MCF2L: variants seen among roughly 807,000 people sequenced by gnomAD.
MCF2L encodes guanine nucleotide exchange factor DBS.
MCF2L carries 97 observed loss-of-function variants against 153.4 expected under a neutral mutation model. The observed-to-expected ratio is 0.63, with a 90% CI of 0.54 to 0.75. The LOEUF is 0.75. MCF2L is among the 30% of genes least tolerant of loss of function. The probability of loss-of-function intolerance (pLI) is 0.00; values close to 1 mark genes in which losing one functional copy is unlikely to be tolerated. For synonymous variants in MCF2L, 659 were observed against 632.2 expected, an observed-to-expected ratio of 1.04 and a Z score of -0.64; for missense variants, 1,347 against 1,495.2, an observed-to-expected ratio of 0.90 and a Z score of 1.64.
At chr13:112,938,356 A>G (rs1763153371) in intron 2 of MCF2L, among the ~76,000 whole-genome samples, 2 of 151,952 alleles carry the variant, frequency 1.3e-5, no homozygotes, top group African/African-American at 2.4e-5. Context: ...GTGAGCCCTG[A>G]AAGTCCAGAA....
intron 2 of MCF2L, among the ~76,000 whole-genome samples, chr13:112,953,516 C>T (rs896702545): frequency 6.6e-6 from 1 of 152,220 alleles, no homozygotes; most frequent in South Asian, 2.1e-4. Context: ...GCTCGAAGAC[C>T]ACAGTGCCTG....
In MCF2L at chr13:113,033,932, A is replaced by G. The variant is rs1173710123; in HGVS notation, c.278+9174A>G. Reference sequence around the variant, plus strand: ...GGGGACAAGTCGCGGAGGCCCTGCCATTCCTTCCTCCGGGTTCTGCACGCA... The same window carrying G: ...GGGGACAAGTCGCGGAGGCCCTGCCGTTCCTTCCTCCGGGTTCTGCACGCA... On this transcript the variant is annotated intron_variant, in intron 3 of 29. Coordinates refer to ENST00000535094, the MANE Select transcript of MCF2L (RefSeq NM_001112732.3). 1.8e-5 allele frequency: 3 copies of G among 166,818 alleles called. No homozygotes were observed. The Admixed American group carries it at 2.0e-4, about 11-fold the overall frequency. The allele number at this position is 166,818 out of a possible 1,614,324, so 10.3% of individuals were successfully genotyped here.
intron 4 of MCF2L, among the ~76,000 whole-genome samples, chr13:113,058,943 C>G (rs959578317): frequency 1.4e-5 from 2 of 144,472 alleles, no homozygotes; most frequent in Admixed American, 6.8e-5. Context: ...TGTTTCGGCA[C>G]TGTTTGGGTG....
At chr13:112,917,558 G>C in intron 2 of MCF2L, 1 of 212,824 alleles carries the variant, frequency 4.7e-6, no homozygotes, top group Non-Finnish European at 9.6e-6. Flanking sequence ...GAAATCCTCA[G>C]TTCAGCAGGG....
At chr13:112,895,174 C>A (rs1436727398) in intron 1 of MCF2L, among the ~76,000 whole-genome samples, 6 of 152,136 alleles carry the variant, frequency 3.9e-5, no homozygotes, top group Non-Finnish European at 5.9e-5. Flanking sequence ...TTGCTTCAGA[C>A]CCTTATATAG....
intron 5 of MCF2L, among the ~76,000 whole-genome samples, chr13:113,061,148 G>T (rs943359643): frequency 6.6e-6 from 1 of 152,098 alleles, no homozygotes; most frequent in Non-Finnish European, 1.5e-5. Flanking sequence ...CTGGACCTGG[G>T]AGGGAGCACC....
chr13:113,030,631 G>A (rs1023920725), intron 3 of MCF2L, among the ~76,000 whole-genome samples: 3 of 152,190 alleles, frequency 2.0e-5, no homozygotes, highest in South Asian at 4.1e-4. Context: ...GCCCTCGGGT[G>A]TCTGCCGACA....
Position 112,904,746 on chromosome 13 carries a change from C to T in MCF2L, c.169+2375C>T, listed in dbSNP as rs776771344. On this transcript the variant is annotated intron_variant, in intron 2 of 29. Coordinates refer to the MCF2L transcript ENST00000375608. This position sits in a 1 kb window ranked among gnomAD's most constrained non-coding sequence, Gnocchi z 4.2. ...AAAGAGAAGCGCACGGCGTGGACTGCGGCCTGCGGGAGAACCGCACTCGGC... is the reference window on the plus strand; with the variant it reads ...AAAGAGAAGCGCACGGCGTGGACTGTGGCCTGCGGGAGAACCGCACTCGGC... 3.9e-5 allele frequency among the ~76,000 whole-genome samples: 6 copies of T among 152,236 alleles called. No homozygotes were observed. The highest frequency in any genetic ancestry group is 1.4e-4 in the African/African-American group (6 of 41,474).
chr13:113,076,924 G>C lies in MCF2L; in HGVS notation c.1501-128G>C, dbSNP rs986468590. ...GGGCTGGACACAGCTGCGCTGCGCT[G>C]ACAGACCCCGCATGGAGAACATTTA... is the stretch of plus-strand genomic sequence containing the variant. On this transcript the variant is annotated intron_variant, in intron 12 of 29. Transcript: ENST00000535094. 2.9e-6 allele frequency: 3 copies of C among 1,030,802 alleles called. No individual in the cohort carries two copies. In the East Asian group the frequency reaches 7.8e-5, roughly 27 times the overall value. The allele number at this position is 1,030,802 out of a possible 1,614,324, so 63.9% of individuals were successfully genotyped here.
chr13:112,940,891 G>A lies in MCF2L; in HGVS notation c.169+38520G>A, dbSNP rs541959192. On this transcript the variant is annotated intron_variant, in intron 2 of 29. Coordinates refer to the MCF2L transcript ENST00000375608. ...GCAGACCCCAGCATTTGGGTGGCAT[G>A]TGATTTAGAAGGCAGCCAGCACCTT... is the stretch of plus-strand genomic sequence containing the variant. Among the ~76,000 whole-genome samples, 4 of 152,290 alleles carry A rather than the reference G, an allele frequency of 2.6e-5. No individual in the cohort carries two copies. The South Asian group carries it at 8.3e-4, about 32-fold the overall frequency.
At chr13:112,910,857 T>C (rs2081223604) in intron 2 of MCF2L, among the ~76,000 whole-genome samples, 1 of 152,234 alleles carries the variant, frequency 6.6e-6, no homozygotes, top group South Asian at 2.1e-4. Context: ...GGGGTGTTAA[T>C]TACCTAACAC....
At position 113,036,824 on chromosome 13, in the gene MCF2L, G is replaced by A. The variant is rs1006072382; in HGVS notation, c.279-8447G>A. ...CTCAGAGGACTCCAAGCCTCTATTTGTGTTATTCCTATCCAGTCCATGGGG... is the reference window on the plus strand; with the variant it reads ...CTCAGAGGACTCCAAGCCTCTATTTATGTTATTCCTATCCAGTCCATGGGG... On this transcript the variant is annotated intron_variant, in intron 3 of 29. Transcript: ENST00000535094. Among the ~76,000 whole-genome samples the A allele has an allele frequency of 2.0e-5, 3 of 152,250 alleles. No individual in the cohort carries two copies. In the East Asian group the frequency reaches 5.8e-4, roughly 29 times the overall value.
At chr13:112,977,348 G>A (rs1448673229) in intron 1 of MCF2L, among the ~76,000 whole-genome samples, 1 of 152,056 alleles carries the variant, frequency 6.6e-6, no homozygotes, top group Non-Finnish European at 1.5e-5. Context: ...ATCTCACATG[G>A]GTTTTTTGTG....
chr13:113,088,929 G>C (rs2034911379), intron 25 of MCF2L, among the ~76,000 whole-genome samples: 1 of 152,254 alleles, frequency 6.6e-6, no homozygotes, highest in African/African-American at 2.4e-5. Flanking sequence ...GACAGTCGGG[G>C]CTCAGCTGGG....
At chr13:112,949,148 G>C (rs891957282) in intron 2 of MCF2L, among the ~76,000 whole-genome samples, 1 of 152,204 alleles carries the variant, frequency 6.6e-6, no homozygotes, top group Non-Finnish European at 1.5e-5. Flanking sequence ...TGATAACTTA[G>C]ACAAATTGGA....
chr13:112,949,959 G>T, intron 2 of MCF2L, among the ~76,000 whole-genome samples: 1 of 148,864 alleles, frequency 6.7e-6, no homozygotes, highest in African/African-American at 2.5e-5. Context: ...ACAGTCTCTG[G>T]TTACAGATGA....
intron 1 of MCF2L, among the ~76,000 whole-genome samples, chr13:112,970,289 T>C (rs2081994878): frequency 6.6e-6 from 1 of 152,174 alleles, no homozygotes; most frequent in African/African-American, 2.4e-5. Context: ...GCCTGGGAGA[T>C]TAAAATGTCA....
intron 2 of MCF2L, among the ~76,000 whole-genome samples, chr13:112,944,569 CTTT>C (rs34676086): frequency 1.3e-4 from 13 of 102,168 alleles, no homozygotes; most frequent in Non-Finnish European, 1.2e-4. Flanking sequence ...TAAACCTGAA[CTTT>C]TTTTTTTTTT....
chr13:113,058,492 TGCTGAGTGGTGGGA>T (rs1341446136), intron 4 of MCF2L, among the ~76,000 whole-genome samples: 1 of 140,302 alleles, frequency 7.1e-6, no homozygotes, highest in Non-Finnish European at 1.5e-5. Flanking sequence ...TGTGTTTGGG[TGCTGAGTGGTGGGA>T]GCTGAGTGTT....
Sources: allele counts gnomAD v4.1 joint callset (sites outside exome capture counted in the v4.1 genomes callset), GRCh38; gene constraint gnomAD v4.1.1; non-coding constraint Gnocchi (gnomAD v3.1); transcripts MANE v1.5; gene names NCBI Gene and HGNC (gene_info 2026-07-23, HGNC 2026-07-21).